The following FGGY variants were observed in gnomAD, a reference collection of about 807,000 sequenced individuals.
The protein encoded by FGGY is FGGY carbohydrate kinase domain-containing protein.
FGGY carries 72 observed loss-of-function variants against 71.3 expected under a neutral mutation model. That is an observed-to-expected ratio of 1.01 (90% CI 0.84 to 1.23). FGGY has a LOEUF of 1.23. Ranked by LOEUF, FGGY falls within the 50% of genes most tolerant of loss-of-function variation. The pLI, the probability that FGGY is intolerant of heterozygous loss-of-function variation, is 0.00. For missense variants in FGGY, 668 were observed against 682.3 expected, an observed-to-expected ratio of 0.98 and a Z score of 0.23; for synonymous variants, 251 against 250.3, an observed-to-expected ratio of 1.00 and a Z score of -0.02.
intron 8 of FGGY, among the ~76,000 whole-genome samples, chr1:59,579,198 T>C (rs775926131): frequency 1.3e-5 from 2 of 152,140 alleles, no homozygotes; most frequent in Non-Finnish European, 2.9e-5. Flanking sequence ...CTCACTTGCA[T>C]GTAGTTGACT....
rs535059043 is a variant in FGGY, at chr1:59,491,698, T to A, written c.671-20613T>A. Among the ~76,000 whole-genome samples, 25 of 152,194 alleles carry A rather than the reference T, an allele frequency of 1.6e-4. 1 individual carries two copies. Among genetic ancestry groups the A allele is most frequent in the Non-Finnish European group, 3.5e-4 (24 of 67,996 alleles). ...TTCTTTCCAGTTTAGCTGTTCTTTTTTTTTTTTCTTGCCTAGTTGCTCTGG... is the reference window on the plus strand; with the variant it reads ...TTCTTTCCAGTTTAGCTGTTCTTTTATTTTTTTCTTGCCTAGTTGCTCTGG... On this transcript the variant is annotated intron_variant, in intron 6 of 15. Coordinates refer to ENST00000303721, the MANE Select transcript of FGGY (RefSeq NM_018291.5).
In FGGY at chr1:59,409,666, T is replaced by G. The variant is rs1452109749; in HGVS notation, c.554+30829T>G. On this transcript the variant is annotated intron_variant, in intron 5 of 15. Transcript: ENST00000303721. ...AAAGCTCTGGGAGGTTACAGAAACTTAAGGCCTAAGTAGGGTTACATTGAG... is the reference window on the plus strand; with the variant it reads ...AAAGCTCTGGGAGGTTACAGAAACTGAAGGCCTAAGTAGGGTTACATTGAG... 2.0e-5 allele frequency among the ~76,000 whole-genome samples: 3 copies of G among 151,274 alleles called. No individual in the cohort carries two copies. In the East Asian group the frequency reaches 5.8e-4, roughly 29 times the overall value.
intron 4 of FGGY, among the ~76,000 whole-genome samples, chr1:59,351,762 A>C (rs1297617240): frequency 6.6e-6 from 1 of 152,214 alleles, no homozygotes; most frequent in Non-Finnish European, 1.5e-5. Context: ...TCAATAGAAC[A>C]TTGACACTGA....
At chr1:59,305,069 G>A (rs2043253662) in intron 1 of FGGY, among the ~76,000 whole-genome samples, 1 of 151,952 alleles carries the variant, frequency 6.6e-6, no homozygotes, top group African/African-American at 2.4e-5. Flanking sequence ...TTTTGTAATT[G>A]CTCTAGCTAG....
chr1:59,690,337 T>C (rs1478246230), intron 14 of FGGY, among the ~76,000 whole-genome samples: 1 of 152,166 alleles, frequency 6.6e-6, no homozygotes, highest in African/African-American at 2.4e-5. Flanking sequence ...CTGATATTAG[T>C]TGTACTTTGC....
At chr1:59,426,870 A>C (rs2066465438) in intron 5 of FGGY, among the ~76,000 whole-genome samples, 1 of 147,946 alleles carries the variant, frequency 6.8e-6, no homozygotes, top group South Asian at 2.1e-4. Context: ...AAAAAAAAAA[A>C]AAACTGGTTG....
Position 59,667,414 on chromosome 1 carries a change from G to C in FGGY, c.1417+11G>C. 6.2e-7 allele frequency: 1 copy of C among 1,613,314 alleles called. No individual in the cohort carries two copies. Among genetic ancestry groups the C allele is most frequent in the Non-Finnish European group, 8.5e-7 (1 of 1,179,592 alleles). On this transcript the variant is annotated intron_variant, in intron 13 of 15. Coordinates refer to ENST00000303721, the MANE Select transcript of FGGY (RefSeq NM_018291.5). ...ATGCGGACATTACTGGTAAGTCTGG[G>C]AAAGAGGAGAGAAGGTCACTTTTTG... is the stretch of plus-strand genomic sequence containing the variant.
At chr1:59,432,047 A>G (rs1230096995) in intron 5 of FGGY, among the ~76,000 whole-genome samples, 1 of 152,090 alleles carries the variant, frequency 6.6e-6, no homozygotes, top group Non-Finnish European at 1.5e-5. Context: ...CATCCACCCA[A>G]TCCACCAGGA....
chr1:59,698,636 T>A (rs988462332), intron 14 of FGGY: 11 of 475,760 alleles, frequency 2.3e-5, no homozygotes, highest in Non-Finnish European at 2.2e-5. Flanking sequence ...ACTTGGGAAT[T>A]TTTTTTTCTT....
intron 9 of FGGY, among the ~76,000 whole-genome samples, chr1:59,618,079 T>A (rs2096774273): frequency 6.6e-6 from 1 of 152,080 alleles, no homozygotes; most frequent in South Asian, 2.1e-4. Context: ...GTTACAGAGA[T>A]TTCCTGAGTG....
At chr1:59,405,760 G>T (rs1270043224) in intron 5 of FGGY, among the ~76,000 whole-genome samples, 1 of 152,086 alleles carries the variant, frequency 6.6e-6, no homozygotes, top group East Asian at 1.9e-4. Context: ...CACTTGGTTG[G>T]TTGGCTAGAG....
chr1:59,613,254 A>G (rs576394897), intron 9 of FGGY, among the ~76,000 whole-genome samples: 1 of 152,234 alleles, frequency 6.6e-6, no homozygotes, highest in African/African-American at 2.4e-5. Flanking sequence ...GGAAGTAAAG[A>G]CGTCCTCAGC....
intron 7 of FGGY, among the ~76,000 whole-genome samples, chr1:59,542,445 C>CTTTTTT (rs754831417): frequency 0.022 from 757 of 34,302 alleles, 138 homozygotes; most frequent in Non-Finnish European, 0.03. Context: ...ATGTTCTTTA[C>CTTTTTT]TTTTTTTTTT....
chr1:59,754,172 G>T (rs999285956), intron 14 of FGGY, among the ~76,000 whole-genome samples: 1 of 152,170 alleles, frequency 6.6e-6, no homozygotes, highest in Non-Finnish European at 1.5e-5. Context: ...TTTCTTATCT[G>T]ATCAGTACTG....
rs780609909 is a variant in FGGY at position 59,638,212 on chromosome 1, T to C, written c.1074-16T>C. The stretch of plus-strand genomic sequence containing the variant: ...CCCTATCCCCCCTTTAAAAATAAAA[T>C]TCACTTCTCTTCCAGATGCCAGAGT... On this transcript the variant is annotated splice_polypyrimidine_tract_variant and intron_variant, in intron 10 of 15. Coordinates refer to ENST00000303721, the MANE Select transcript of FGGY (RefSeq NM_018291.5). The C allele has an allele frequency of 6.2e-7, 1 of 1,610,536 alleles. No homozygotes were observed. Among genetic ancestry groups the C allele is most frequent in the Admixed American group, 1.7e-5 (1 of 59,578 alleles).
intron 5 of FGGY, among the ~76,000 whole-genome samples, chr1:59,419,750 G>C (rs559644041): frequency 6.6e-6 from 1 of 152,282 alleles, no homozygotes; most frequent in Non-Finnish European, 1.5e-5. Context: ...ATGGAGGTTT[G>C]CCTGAGAGTG....
chr1:59,459,178 C>T (rs2091972088), intron 6 of FGGY, among the ~76,000 whole-genome samples: 2 of 152,158 alleles, frequency 1.3e-5, no homozygotes, highest in Non-Finnish European at 2.9e-5. Flanking sequence ...CTGAACACCT[C>T]AGCAACTGAT....
At chr1:59,363,995 T>C (rs1370428438) in intron 4 of FGGY, among the ~76,000 whole-genome samples, 1 of 152,140 alleles carries the variant, frequency 6.6e-6, no homozygotes, top group Non-Finnish European at 1.5e-5. Context: ...CATACCCAAA[T>C]AGACTCCAAA....
At chr1:59,558,564 G>A (rs12065713) in intron 8 of FGGY, among the ~76,000 whole-genome samples, 31,647 of 152,022 alleles carry the variant, frequency 0.21, 4,611 homozygotes, top group African/African-American at 0.41. Flanking sequence ...AAGGAGAACA[G>A]AGATCACATA....
Sources: gnomAD v4.1 joint callset for allele counts (sites outside exome capture counted in the v4.1 genomes callset) on GRCh38, gnomAD v4.1.1 for gene constraint, MANE v1.5 for transcripts, NCBI Gene and HGNC (gene_info 2026-07-23, HGNC 2026-07-21) for gene names.